Variants in KDM4C observed in about 807,000 individuals in gnomAD.
KDM4C encodes the protein lysine-specific demethylase 4C.
In KDM4C, 81 loss-of-function variants were observed where a neutral mutation model predicts 129.3. That is an observed-to-expected ratio of 0.63 (90% CI 0.52 to 0.75). The LOEUF is 0.75. Among genes scored for constraint, KDM4C ranks in the 30% least tolerant of loss-of-function variants. The probability of loss-of-function intolerance (pLI) is 0.00; values close to 1 mark genes in which losing one functional copy is unlikely to be tolerated. For missense variants in KDM4C, 1,457 were observed against 1,304.0 expected (o/e 1.12, Z -1.81); for synonymous variants, 573 against 456.1 (o/e 1.26, Z -3.26).
chr9:6,877,452 G>A (rs1272831930), intron 5 of KDM4C, among the ~76,000 whole-genome samples: 2 of 151,858 alleles, frequency 1.3e-5, no homozygotes, highest in Non-Finnish European at 2.9e-5. Context: ...TGCCCGCCTC[G>A]ACCTCCCAAA....
At chr9:7,049,034 G>C (rs1042160038) in intron 16 of KDM4C, 58 bp from the exon 17 acceptor site, 29 of 1,127,160 alleles carry the variant, frequency 2.6e-5, no homozygotes, top group Non-Finnish European at 3.4e-5. Flanking sequence ...GCATCACCAA[G>C]TTGAAGTATG....
At chr9:6,745,849 G>T (rs1817854701) in intron 1 of KDM4C, among the ~76,000 whole-genome samples, 1 of 151,858 alleles carries the variant, frequency 6.6e-6, no homozygotes, top group Admixed American at 6.6e-5. Flanking sequence ...CGCTATTGTT[G>T]CCCAGGCTGG....
chr9:6,721,942 G>A (rs1816967843), intron 1 of KDM4C, among the ~76,000 whole-genome samples: 1 of 152,076 alleles, frequency 6.6e-6, no homozygotes, highest in South Asian at 2.1e-4. Flanking sequence ...GGTTGGTGTT[G>A]AGCTCCTGGG....
chr9:7,136,310 A>G (rs569627946), intron 19 of KDM4C, among the ~76,000 whole-genome samples: 2 of 152,302 alleles, frequency 1.3e-5, no homozygotes, highest in East Asian at 3.9e-4. Context: ...AAGGCTTTGT[A>G]TGGACATGTG....
intron 8 of KDM4C, among the ~76,000 whole-genome samples, chr9:6,930,792 G>A (rs531758923): frequency 9.0e-4 from 135 of 150,464 alleles, no homozygotes; most frequent in African/African-American, 3.2e-3. Flanking sequence ...TACCTTTTCA[G>A]CAATGAATGT....
At chr9:6,972,966 C>T (rs1832262706) in intron 8 of KDM4C, among the ~76,000 whole-genome samples, 2 of 152,110 alleles carry the variant, frequency 1.3e-5, no homozygotes, top group Admixed American at 1.3e-4. Context: ...CACTTTAAAT[C>T]ATTTCATGAA....
intron 11 of KDM4C, among the ~76,000 whole-genome samples, chr9:6,989,609 A>G (rs1818362923): frequency 6.6e-6 from 1 of 152,180 alleles, no homozygotes; most frequent in Non-Finnish European, 1.5e-5. Flanking sequence ...ATTGTTATTT[A>G]TGTGATCTAG....
At chr9:6,856,539 CGTGTGTGTGTGTGTGT>C (rs201267627) in intron 5 of KDM4C, among the ~76,000 whole-genome samples, 19 of 131,598 alleles carry the variant, frequency 1.4e-4, no homozygotes, top group Non-Finnish European at 2.2e-4. Flanking sequence ...TCTCTGTGTG[CGTGTGTGTGTGTGTGT>C]GTGTGTGTGT....
chr9:7,121,083 C>T (rs955293624), intron 18 of KDM4C, among the ~76,000 whole-genome samples: 2 of 152,168 alleles, frequency 1.3e-5, no homozygotes, highest in African/African-American at 4.8e-5. Flanking sequence ...TCTCAGTGTT[C>T]CTTTTTTCTA....
intron 1 of KDM4C, among the ~76,000 whole-genome samples, chr9:6,731,903 C>T (rs1039450579): frequency 6.6e-6 from 1 of 152,050 alleles, no homozygotes; most frequent in African/African-American, 2.4e-5. Context: ...GAACAGAGAC[C>T]ATTTGACATT....
At chr9:6,858,748 G>C (rs1337655054) in intron 5 of KDM4C, among the ~76,000 whole-genome samples, 1 of 151,160 alleles carries the variant, frequency 6.6e-6, no homozygotes, top group Non-Finnish European at 1.5e-5. Flanking sequence ...CTCCAGCCTG[G>C]GTGACAGAGT....
intron 17 of KDM4C, among the ~76,000 whole-genome samples, chr9:7,099,629 A>C (rs1836846550): frequency 6.6e-6 from 1 of 152,196 alleles, no homozygotes; most frequent in Admixed American, 6.5e-5. Context: ...TTGGTTCTCA[A>C]AGTGTGAGCT....
chr9:6,817,350 C>A (rs549259749), intron 4 of KDM4C, among the ~76,000 whole-genome samples: 2 of 151,738 alleles, frequency 1.3e-5, no homozygotes, highest in African/African-American at 2.4e-5. Context: ...TACCTGCAGG[C>A]GCCACCATGC....
chr9:6,916,254 C>T (rs1183835767), intron 8 of KDM4C, among the ~76,000 whole-genome samples: 1 of 151,788 alleles, frequency 6.6e-6, no homozygotes, highest in Non-Finnish European at 1.5e-5. Context: ...CTTTTTTATT[C>T]TGAGTGATGG....
intron 8 of KDM4C, among the ~76,000 whole-genome samples, chr9:6,915,058 T>G (rs1205806185): frequency 1.3e-5 from 2 of 152,244 alleles, no homozygotes; most frequent in African/African-American, 4.8e-5. Context: ...CGAGTTAGTC[T>G]TACTGAAATT....
chr9:6,826,485 A>G (rs746064469), intron 4 of KDM4C, among the ~76,000 whole-genome samples: 5 of 152,228 alleles, frequency 3.3e-5, no homozygotes, highest in East Asian at 3.9e-4. Context: ...TTGTGGTACA[A>G]TGAACATAGT....
At chr9:7,150,109 A>AGACT (rs1342566964) in intron 19 of KDM4C, among the ~76,000 whole-genome samples, 1 of 152,226 alleles carries the variant, frequency 6.6e-6, no homozygotes, top group Non-Finnish European at 1.5e-5. Flanking sequence ...TCAGTGGGAT[A>AGACT]GACTGACCAG....
chr9:6,728,275 C>G (rs530624778), intron 1 of KDM4C, among the ~76,000 whole-genome samples: 1 of 152,258 alleles, frequency 6.6e-6, no homozygotes, highest in East Asian at 1.9e-4. Context: ...GTGGCTCACG[C>G]CTGTAATCCC....
intron 1 of KDM4C, among the ~76,000 whole-genome samples, chr9:6,735,650 C>G (rs915360510): frequency 1.3e-5 from 2 of 152,182 alleles, no homozygotes; most frequent in African/African-American, 4.8e-5. Flanking sequence ...TGCCTTCTGC[C>G]AAGACTGTGA....
Sources: allele counts gnomAD v4.1 joint callset (sites outside exome capture counted in the v4.1 genomes callset), GRCh38; gene constraint gnomAD v4.1.1; transcripts MANE v1.5; gene names NCBI Gene and HGNC (gene_info 2026-07-23, HGNC 2026-07-21).